SYNDIG1: variants seen among roughly 807,000 people sequenced by gnomAD.
The protein encoded by SYNDIG1 is synapse differentiation inducing 1, also known as synapse differentiation-inducing gene protein 1.
A neutral mutation model predicts 19.4 loss-of-function variants in SYNDIG1; 9 were observed. The observed-to-expected ratio is 0.46, with a 90% CI of 0.28 to 0.81. The LOEUF (loss-of-function observed/expected upper bound fraction) is 0.81, where lower values mean the gene tolerates loss of function less well. SYNDIG1 is among the 30% of genes least tolerant of loss of function. The pLI, the probability that SYNDIG1 is intolerant of heterozygous loss-of-function variation, is 0.12. For synonymous variants in SYNDIG1, 141 were observed against 145.9 expected, an observed-to-expected ratio of 0.97 and a Z score of 0.24; for missense variants, 311 against 343.3, an observed-to-expected ratio of 0.91 and a Z score of 0.74.
intron 1 of SYNDIG1, among the ~76,000 whole-genome samples, chr20:24,480,617 C>T (rs2055770561): frequency 1.3e-5 from 2 of 152,194 alleles, no homozygotes; most frequent in African/African-American, 4.8e-5. Context: ...AGCAGTCCCA[C>T]TTCTGGGTAT....
chr20:24,532,208 C>T (rs1374495501), intron 1 of SYNDIG1, among the ~76,000 whole-genome samples: 1 of 152,166 alleles, frequency 6.6e-6, no homozygotes. Context: ...CCCCGTATTA[C>T]ACAAGAGCTA....
chr20:24,579,429 C>T (rs775432420), intron 2 of SYNDIG1, among the ~76,000 whole-genome samples: 32 of 152,308 alleles, frequency 2.1e-4, no homozygotes, highest in Admixed American at 3.3e-4. Context: ...GGCAAAAAAA[C>T]TCTGGTCTCT....
In SYNDIG1 at chr20:24,486,226, G is replaced by A. The variant is rs182036950; in HGVS notation, c.-79+16473G>A. On this transcript the variant is annotated intron_variant, in intron 1 of 3. Coordinates refer to ENST00000376862, the MANE Select transcript of SYNDIG1 (RefSeq NM_024893.3). ...GCTGGTGGGTGTGAGGTTGGGTGTG[G>A]TGTGGGCAGGATGGCACAAGAGAGG... Among the ~76,000 whole-genome samples, 8 of 152,336 alleles carry A rather than the reference G, an allele frequency of 5.3e-5. No homozygotes were observed. In the East Asian group the frequency reaches 1.3e-3, roughly 26 times the overall value.
chr20:24,642,736 G>T (rs144199011), intron 3 of SYNDIG1, among the ~76,000 whole-genome samples: 2 of 151,738 alleles, frequency 1.3e-5, no homozygotes, highest in African/African-American at 4.8e-5. Context: ...TTTTTGCACC[G>T]CAAGATGCTG....
chr20:24,538,160 G>A (rs763747531), intron 1 of SYNDIG1, among the ~76,000 whole-genome samples: 8 of 151,740 alleles, frequency 5.3e-5, no homozygotes, highest in South Asian at 2.1e-4. Context: ...TGTACAGTTC[G>A]GTGGTATTAA....
chr20:24,523,159 C>G (rs1437823246), intron 1 of SYNDIG1, among the ~76,000 whole-genome samples: 1 of 152,182 alleles, frequency 6.6e-6, no homozygotes, highest in East Asian at 1.9e-4. Context: ...GGCTTCCTGG[C>G]TGTGAAATCC....
At chr20:24,583,829 G>A in intron 2 of SYNDIG1, among the ~76,000 whole-genome samples, 1 of 152,148 alleles carries the variant, frequency 6.6e-6, no homozygotes, top group East Asian at 1.9e-4. Flanking sequence ...GGAGCTGAAT[G>A]ATGAGGACCC....
chr20:24,609,820 C>T (rs1346285658), intron 3 of SYNDIG1, among the ~76,000 whole-genome samples: 1 of 152,158 alleles, frequency 6.6e-6, no homozygotes, highest in Non-Finnish European at 1.5e-5. Context: ...TCCATCTGGA[C>T]AGTATCACCC....
intron 2 of SYNDIG1, among the ~76,000 whole-genome samples, chr20:24,544,912 G>C (rs2057543676): frequency 6.6e-6 from 1 of 152,164 alleles, no homozygotes; most frequent in South Asian, 2.1e-4. Flanking sequence ...AGCCATGTGG[G>C]ACCATCTTTA....
chr20:24,520,260 T>A (rs1473450370), intron 1 of SYNDIG1, among the ~76,000 whole-genome samples: 1 of 150,734 alleles, frequency 6.6e-6, no homozygotes, highest in Non-Finnish European at 1.5e-5. Flanking sequence ...ATATCTTACA[T>A]AATAGTATAT....
At chr20:24,654,818 A>G (rs969648732) in intron 3 of SYNDIG1, among the ~76,000 whole-genome samples, 2 of 152,218 alleles carry the variant, frequency 1.3e-5, no homozygotes, top group Non-Finnish European at 2.9e-5. Flanking sequence ...GTGAAGGGGT[A>G]TAAAGATGAT....
chr20:24,626,054 C>T (rs1282309896), intron 3 of SYNDIG1, among the ~76,000 whole-genome samples: 2 of 150,652 alleles, frequency 1.3e-5, no homozygotes, highest in Non-Finnish European at 3.0e-5. Context: ...GACTCCCCCA[C>T]CTCCCTCCCG....
chr20:24,554,581 G>T (rs1381268786), intron 2 of SYNDIG1, among the ~76,000 whole-genome samples: 1 of 152,140 alleles, frequency 6.6e-6, no homozygotes, highest in Non-Finnish European at 1.5e-5. Flanking sequence ...TTTGTCTTTG[G>T]TTCTGTTTAT....
At chr20:24,558,047 A>T (rs1387487128) in intron 2 of SYNDIG1, among the ~76,000 whole-genome samples, 1 of 152,180 alleles carries the variant, frequency 6.6e-6, no homozygotes, top group African/African-American at 2.4e-5. Context: ...AAGTGTAACA[A>T]TGTATAGGAA....
intron 1 of SYNDIG1, among the ~76,000 whole-genome samples, chr20:24,489,399 ATG>A (rs1261077101): frequency 3.8e-5 from 5 of 132,800 alleles, no homozygotes; most frequent in African/African-American, 1.8e-4. Flanking sequence ...ATACAGACAC[ATG>A]TGCACACAGA....
intron 1 of SYNDIG1, among the ~76,000 whole-genome samples, chr20:24,528,464 C>T (rs985195306): frequency 1.3e-5 from 2 of 152,082 alleles, no homozygotes; most frequent in African/African-American, 2.4e-5. Context: ...TTCTGAAGGC[C>T]GGGAAGTCCA....
At chr20:24,559,107 A>G (rs369434401) in intron 2 of SYNDIG1, among the ~76,000 whole-genome samples, 2 of 152,038 alleles carry the variant, frequency 1.3e-5, no homozygotes, top group Admixed American at 6.5e-5. Flanking sequence ...GGATAATTGG[A>G]TTTTTTAAAA....
At chr20:24,572,947 G>T (rs2058168542) in intron 2 of SYNDIG1, among the ~76,000 whole-genome samples, 1 of 152,180 alleles carries the variant, frequency 6.6e-6, no homozygotes, top group South Asian at 2.1e-4. Context: ...TGGATGTCAG[G>T]TTCCTCCAAG....
At chr20:24,499,700 T>A (rs951114545) in intron 1 of SYNDIG1, among the ~76,000 whole-genome samples, 1 of 152,200 alleles carries the variant, frequency 6.6e-6, no homozygotes, top group African/African-American at 2.4e-5. Flanking sequence ...ACAGCCATTC[T>A]CCATGCCCTG....
Sources: gnomAD v4.1 joint callset for allele counts (sites outside exome capture counted in the v4.1 genomes callset) on GRCh38, gnomAD v4.1.1 for gene constraint, MANE v1.5 for transcripts, NCBI Gene and HGNC (gene_info 2026-07-23, HGNC 2026-07-21) for gene names.